Variants in ERBB4 observed in about 807,000 individuals in gnomAD.
ERBB4 encodes receptor tyrosine-protein kinase erbB-4.
In ERBB4, 42 loss-of-function variants were observed where a neutral mutation model predicts 158.0. That is an observed-to-expected ratio of 0.27 (90% CI 0.21 to 0.34). The LOEUF (loss-of-function observed/expected upper bound fraction) is 0.34, where lower values mean the gene tolerates loss of function less well. Ranked by LOEUF, ERBB4 falls within the 10% of genes least tolerant of loss-of-function variation. The pLI, the probability that ERBB4 is intolerant of heterozygous loss-of-function variation, is 1.00. For missense variants in ERBB4, 1,333 were observed against 1,624.1 expected, an observed-to-expected ratio of 0.82 and a Z score of 3.08; for synonymous variants, 583 against 558.7, an observed-to-expected ratio of 1.04 and a Z score of -0.61.
intron 3 of ERBB4, among the ~76,000 whole-genome samples, chr2:211,913,519 C>G (rs10181131): frequency 6.6e-6 from 1 of 151,450 alleles, no homozygotes; most frequent in Non-Finnish European, 1.5e-5. Context: ...GAGAATCGCT[C>G]GAACTCGGGA....
chr2:211,639,250 A>T (rs1020279518), intron 16 of ERBB4, among the ~76,000 whole-genome samples: 14 of 152,350 alleles, frequency 9.2e-5, no homozygotes, highest in African/African-American at 3.4e-4. Context: ...AATATTGTAA[A>T]TATTTAATTA....
intron 19 of ERBB4, among the ~76,000 whole-genome samples, chr2:211,569,558 G>A (rs2067651847): frequency 6.6e-6 from 1 of 152,188 alleles, no homozygotes; most frequent in Admixed American, 6.5e-5. Flanking sequence ...TGTTGTGATA[G>A]ATAATGAAAC....
chr2:212,233,909 G>A (rs1422362960), intron 1 of ERBB4, among the ~76,000 whole-genome samples: 1 of 151,142 alleles, frequency 6.6e-6, no homozygotes, highest in African/African-American at 2.4e-5. Context: ...CCAGAGTTCT[G>A]TCCTAAATTA....
rs552842189 is a variant in ERBB4, at chr2:211,519,555, A to G, written c.2487+42348T>C. 2.6e-5 allele frequency among the ~76,000 whole-genome samples: 4 copies of G among 152,290 alleles called. No individual in the cohort carries two copies. In the South Asian group the frequency reaches 8.3e-4, roughly 32 times the overall value. On this transcript the variant is annotated intron_variant, in intron 20 of 27. Coordinates refer to ENST00000342788, the MANE Select transcript of ERBB4 (RefSeq NM_005235.3). ...TTTTCTCAAAAAGCAAAAGTGGTTC[A>G]TATTCCAAATTTCAGACAAACAGGA...
intron 19 of ERBB4, among the ~76,000 whole-genome samples, chr2:211,594,387 T>A (rs1182702590): frequency 6.6e-6 from 1 of 151,748 alleles, no homozygotes; most frequent in Non-Finnish European, 1.5e-5. Flanking sequence ...TGCAGTGAGC[T>A]GAAATCGCAC....
chr2:211,660,615 T>C (rs1253061819), intron 15 of ERBB4, among the ~76,000 whole-genome samples: 1 of 152,206 alleles, frequency 6.6e-6, no homozygotes, highest in Non-Finnish European at 1.5e-5. Flanking sequence ...TAGAAATGTT[T>C]ATCAGCAGTT....
chr2:212,347,252 C>T (rs187770009), intron 1 of ERBB4, among the ~76,000 whole-genome samples: 9 of 152,066 alleles, frequency 5.9e-5, no homozygotes, highest in East Asian at 5.8e-4. Context: ...AAATCTTCAA[C>T]GTATAAATTA....
At chr2:212,036,641 T>G (rs1186205581) in intron 2 of ERBB4, among the ~76,000 whole-genome samples, 1 of 152,046 alleles carries the variant, frequency 6.6e-6, no homozygotes, top group Admixed American at 6.6e-5. Context: ...ATTTTTTGTA[T>G]TTTTAGTAGA....
At chr2:211,667,822 A>C (rs1180306092) in intron 14 of ERBB4, among the ~76,000 whole-genome samples, 1 of 152,224 alleles carries the variant, frequency 6.6e-6, no homozygotes, top group Non-Finnish European at 1.5e-5. Flanking sequence ...AAGTTGTAAA[A>C]GTAAAATCAA....
intron 4 of ERBB4, among the ~76,000 whole-genome samples, chr2:211,760,557 T>G (rs1178245968): frequency 6.6e-6 from 1 of 152,234 alleles, no homozygotes; most frequent in Non-Finnish European, 1.5e-5. Flanking sequence ...CAACATTTCA[T>G]GTAAGTATCA....
chr2:212,169,539 A>T (rs1002821301), intron 1 of ERBB4, among the ~76,000 whole-genome samples: 5 of 152,174 alleles, frequency 3.3e-5, no homozygotes, highest in Non-Finnish European at 5.9e-5. Flanking sequence ...TAAATGTAAA[A>T]TCTAAAACTA....
At position 211,549,885 on chromosome 2, in the gene ERBB4, C is replaced by T. The variant is rs2067035965; in HGVS notation, c.2487+12018G>A. 2.0e-5 allele frequency among the ~76,000 whole-genome samples: 3 copies of T among 152,100 alleles called. No homozygotes were observed. The South Asian group carries it at 6.2e-4, about 31-fold the overall frequency. ...AATCCCTGCTCCTGTTTGCTCAGCA[C>T]TTTGTGTGCCTCTTCAGGTTCTTCA... On this transcript the variant is annotated intron_variant, in intron 20 of 27. Coordinates refer to ENST00000342788, the MANE Select transcript of ERBB4 (RefSeq NM_005235.3).
intron 19 of ERBB4, among the ~76,000 whole-genome samples, chr2:211,612,026 C>T (rs948476439): frequency 6.6e-6 from 1 of 152,088 alleles, no homozygotes; most frequent in Admixed American, 6.6e-5. Flanking sequence ...GTCTAGTTCT[C>T]TGTGTTTCAT....
At chr2:211,881,618 T>A (rs562825334) in intron 3 of ERBB4, among the ~76,000 whole-genome samples, 1 of 151,862 alleles carries the variant, frequency 6.6e-6, no homozygotes, top group South Asian at 2.1e-4. Context: ...GGCTGAGATT[T>A]GTGCCCCATG....
intron 4 of ERBB4, among the ~76,000 whole-genome samples, chr2:211,766,802 G>C (rs1294214654): frequency 6.6e-6 from 1 of 152,088 alleles, no homozygotes; most frequent in Non-Finnish European, 1.5e-5. Context: ...AGGATCAAAG[G>C]CTACTCCTTT....
At chr2:212,097,606 A>G (rs1047216502) in intron 2 of ERBB4, among the ~76,000 whole-genome samples, 7 of 152,208 alleles carry the variant, frequency 4.6e-5, no homozygotes, top group African/African-American at 1.7e-4. Context: ...AAGATGAAAT[A>G]TACCATACTA....
intron 1 of ERBB4, among the ~76,000 whole-genome samples, chr2:212,406,162 C>T (rs113328723): frequency 0.012 from 1,805 of 152,154 alleles, 35 homozygotes; most frequent in African/African-American, 0.041. Flanking sequence ...ATTTTATATT[C>T]AGCACTACTA....
intron 2 of ERBB4, among the ~76,000 whole-genome samples, chr2:212,042,029 C>T (rs925107822): frequency 1.3e-5 from 2 of 151,982 alleles, no homozygotes; most frequent in Admixed American, 6.6e-5. Flanking sequence ...GTTGCTTCCA[C>T]GCTCTATTAT....
At chr2:211,980,634 C>A (rs550360714) in intron 2 of ERBB4, among the ~76,000 whole-genome samples, 29 of 152,198 alleles carry the variant, frequency 1.9e-4, no homozygotes, top group African/African-American at 5.8e-4. Flanking sequence ...TTTATAGATG[C>A]TCTATTTCAC....
Sources: gnomAD v4.1 joint callset for allele counts (sites outside exome capture counted in the v4.1 genomes callset) on GRCh38, gnomAD v4.1.1 for gene constraint, MANE v1.5 for transcripts, NCBI Gene and HGNC (gene_info 2026-07-23, HGNC 2026-07-21) for gene names.